CFLAR: variants seen among roughly 807,000 people sequenced by gnomAD.
CFLAR encodes the protein CASP8 and FADD-like apoptosis regulator.
In CFLAR, 14 loss-of-function variants were observed where a neutral mutation model predicts 51.1. The observed-to-expected ratio is 0.27, with a 90% CI of 0.18 to 0.43. CFLAR has a LOEUF of 0.43. Ranked by LOEUF, CFLAR falls within the 20% of genes least tolerant of loss-of-function variation. The pLI, the probability that CFLAR is intolerant of heterozygous loss-of-function variation, is 1.00. For missense variants in CFLAR, 390 were observed against 566.5 expected, an observed-to-expected ratio of 0.69 and a Z score of 3.16; for synonymous variants, 210 against 211.6, an observed-to-expected ratio of 0.99 and a Z score of 0.06.
chr2:201,136,137 G>A (rs1470198824), intron 4 of CFLAR, 30 bp downstream of exon 4: 6 of 1,612,642 alleles, frequency 3.7e-6, no homozygotes, highest in Non-Finnish European at 5.1e-6. Context: ...AGTGGTCTAG[G>A]GGAAGTACTC....
intron 2 of CFLAR, among the ~76,000 whole-genome samples, chr2:201,131,756 G>A (rs1362194346): frequency 6.6e-6 from 1 of 152,160 alleles, no homozygotes; most frequent in Non-Finnish European, 1.5e-5. Flanking sequence ...AGGCTGGAGT[G>A]CAGTGGCATG....
chr2:201,140,521 G>A lies in CFLAR; in HGVS notation c.606+82G>A. On this transcript the variant is annotated intron_variant, in intron 5 of 9. Transcript: ENST00000309955. ...AAAAATATGCATATTCTCACAGCATGTACTTTATTTAATATCTGAAAAAAT... is the reference window on the plus strand; with the variant it reads ...AAAAATATGCATATTCTCACAGCATATACTTTATTTAATATCTGAAAAAAT... 2 of 1,013,666 alleles carry A rather than the reference G, an allele frequency of 2.0e-6. 1 individual carries two copies. The allele number at this position is 1,013,666 out of a possible 1,614,324, so 62.8% of individuals were successfully genotyped here.
chr2:201,145,617 T>C (rs886829282), intron 6 of CFLAR, 185 bp downstream of exon 6: 4 of 563,774 alleles, frequency 7.1e-6, no homozygotes, highest in Non-Finnish European at 1.3e-5. Flanking sequence ...AATTAGCTTA[T>C]CTAAGTTTGA....
At chr2:201,162,544 C>T (rs954278614) in intron 9 of CFLAR, 1 of 188,506 alleles carries the variant, frequency 5.3e-6, no homozygotes, top group African/African-American at 2.4e-5. Flanking sequence ...TCTCTGCCTT[C>T]TCTTTCTCTG....
intron 4 of CFLAR, chr2:201,137,891 C>G: frequency 1.3e-6 from 1 of 780,580 alleles, no homozygotes. Flanking sequence ...TGGTGGCGGC[C>G]AGCAGGGAGC....
rs2125962173 is a variant in CFLAR at position 201,165,719 on chromosome 2, G to A, written c.*1746G>A. On this transcript the variant is annotated 3_prime_UTR_variant, in exon 10 of 10. Coordinates refer to ENST00000309955, the MANE Select transcript of CFLAR (RefSeq NM_003879.7). ...AGGTCTCTGGTTTTCCTAGGCAGAG[G>A]ACCCTGCGGCCTTCCGCAGTGTTTG... The A allele has an allele frequency of 6.5e-6, 1 of 153,714 alleles. No homozygotes were observed. Among genetic ancestry groups the A allele is most frequent in the South Asian group, 1.9e-4 (1 of 5,206 alleles). 9.5% of individuals were successfully genotyped at this position (153,714 alleles called of 1,614,324 possible).
chr2:201,156,827 G>A (rs1942258242), intron 8 of CFLAR, among the ~76,000 whole-genome samples: 3 of 151,638 alleles, frequency 2.0e-5, no homozygotes, highest in African/African-American at 7.3e-5. Context: ...AGAAGGAGAA[G>A]TGGGTCTTCT....
At position 201,175,136 on chromosome 2, in the gene CFLAR, C is replaced by G. The variant is rs1944151051; in HGVS notation, c.*11163C>G. 6.6e-6 allele frequency: 1 copy of G among 152,222 alleles called. No homozygotes were observed. Among genetic ancestry groups the G allele is most frequent in the African/African-American group, 2.4e-5 (1 of 41,452 alleles). 9.4% of individuals were successfully genotyped at this position (152,222 alleles called of 1,614,324 possible). ...TGTTTAGCGTATAGTCAAGAAGCAACCATAAATATAGCCAGTCAGCAGCCC... is the reference window on the plus strand; with the variant it reads ...TGTTTAGCGTATAGTCAAGAAGCAAGCATAAATATAGCCAGTCAGCAGCCC... On this transcript the variant is annotated 3_prime_UTR_variant, in exon 10 of 10. Coordinates refer to ENST00000309955, the MANE Select transcript of CFLAR (RefSeq NM_003879.7).
At position 201,116,764 on chromosome 2, in the gene CFLAR, G is replaced by GT. The variant is rs2047632871; in HGVS notation, c.-138+283_-138+284insT. 1 of 152,252 alleles carries GT rather than the reference G, an allele frequency of 6.6e-6. No homozygotes were observed. The highest frequency in any genetic ancestry group is 6.5e-5 in the Admixed American group (1 of 15,280). The allele number at this position is 152,252 out of a possible 1,614,324, so 9.4% of individuals were successfully genotyped here. ...GCGGAATGCCCCCGCTTCCGTTTCC[G>GT]CCCGGCTCCGAACCCCCGAACCCCT... On this transcript the variant is annotated intron_variant, in intron 1 of 9. Coordinates refer to ENST00000309955, the MANE Select transcript of CFLAR (RefSeq NM_003879.7). This position sits in a 1 kb window ranked among gnomAD's most constrained non-coding sequence, Gnocchi z 4.8.
chr2:201,173,336 T>G lies in CFLAR; in HGVS notation c.*9363T>G, dbSNP rs1361408226. 1 of 152,454 alleles carries G rather than the reference T, an allele frequency of 6.6e-6. No individual in the cohort carries two copies. The highest frequency in any genetic ancestry group is 6.6e-5 in the Admixed American group (1 of 15,266). 9.4% of individuals were successfully genotyped at this position (152,454 alleles called of 1,614,324 possible). On this transcript the variant is annotated 3_prime_UTR_variant, in exon 10 of 10. Transcript: ENST00000309955. Reference sequence around the variant, plus strand: ...CATTCTCCTGCCTCAGCCTCCCAAGTATCTGGGACTACAGCCGCCCTCCAC... The same window carrying G: ...CATTCTCCTGCCTCAGCCTCCCAAGGATCTGGGACTACAGCCGCCCTCCAC...
intron 4 of CFLAR, 188 bp from the exon 5 acceptor site, chr2:201,140,169 G>C: frequency 2.0e-6 from 1 of 495,878 alleles, no homozygotes; most frequent in Non-Finnish European, 3.3e-6. Flanking sequence ...GCGGGCCAGG[G>C]CGCCCTATAC....
chr2:201,132,853 C>A (rs2049511989), intron 2 of CFLAR, 176 bp from the exon 3 acceptor site: 3 of 479,296 alleles, frequency 6.3e-6, no homozygotes, highest in Non-Finnish European at 1.1e-5. Context: ...TTTCTGAGGT[C>A]CCTTAAGATC....
rs976215929 is a variant in CFLAR, at chr2:201,117,789, C to T, written c.-138+1308C>T. On this transcript the variant is annotated intron_variant, in intron 1 of 9. Transcript: ENST00000309955. Reference sequence around the variant, plus strand: ...TTTTTTTTTGAGACAGCATTTCACTCTTGTTGCCCAGGCTGGAATGCAATG... The same window carrying T: ...TTTTTTTTTGAGACAGCATTTCACTTTTGTTGCCCAGGCTGGAATGCAATG... 8.2e-5 allele frequency among the ~76,000 whole-genome samples: 11 copies of T among 134,378 alleles called. No individual in the cohort carries two copies. In the Admixed American group the frequency reaches 8.2e-4, roughly 10 times the overall value. 88.2% of individuals were successfully genotyped at this position (134,378 alleles called of 152,430 possible). A position where few individuals can be genotyped will look rare whatever the true frequency, so the allele number is the denominator to read the frequency against.
chr2:201,125,712 A>T (rs983159546), intron 1 of CFLAR, among the ~76,000 whole-genome samples: 1 of 151,990 alleles, frequency 6.6e-6, no homozygotes, highest in Admixed American at 6.5e-5. Context: ...GTGGGAAAGG[A>T]GCTGAACAGA....
At chr2:201,154,167 C>G (rs761450304) in intron 8 of CFLAR, 1 of 267,446 alleles carries the variant, frequency 3.7e-6, no homozygotes, top group South Asian at 3.0e-5. Flanking sequence ...TCTCAGCTCA[C>G]CGCAATCTCC....
At chr2:201,128,313 A>C (rs2048902396) in intron 1 of CFLAR, among the ~76,000 whole-genome samples, 1 of 152,178 alleles carries the variant, frequency 6.6e-6, no homozygotes, top group Non-Finnish European at 1.5e-5. Context: ...AGAACACATA[A>C]AATTTGTATT....
At chr2:201,141,726 T>C in intron 5 of CFLAR, 1 of 893,398 alleles carries the variant, frequency 1.1e-6, no homozygotes, top group Non-Finnish European at 1.4e-6. Context: ...TCACTTATGG[T>C]TGTTGTGTTC....
At position 201,160,349 on chromosome 2, in the gene CFLAR, C is replaced by T. The variant is rs767674486; in HGVS notation, c.794-83C>T. ...GAAGCTTTTCATAATGGAGATTAGACCATGTCTAGGATTCCTACCCAGTCC... is the reference window on the plus strand; with the variant it reads ...GAAGCTTTTCATAATGGAGATTAGATCATGTCTAGGATTCCTACCCAGTCC... On this transcript the variant is annotated intron_variant, in intron 8 of 9. Coordinates refer to ENST00000309955, the MANE Select transcript of CFLAR (RefSeq NM_003879.7). The T allele has an allele frequency of 3.6e-6, 5 of 1,400,564 alleles. No homozygotes were observed. In the East Asian group the frequency reaches 1.1e-4, roughly 32 times the overall value. The allele number at this position is 1,400,564 out of a possible 1,614,324, so 86.8% of individuals were successfully genotyped here.
rs976229017 is a variant in CFLAR at position 201,166,901 on chromosome 2, G to A, written c.*2928G>A. On this transcript the variant is annotated 3_prime_UTR_variant, in exon 10 of 10. Transcript: ENST00000309955. ...TCAGGCAGGGAGGCTGCAGTGAGCC[G>A]AGATGGCAGCAGTACAGTCCAGCTT... The A allele has an allele frequency of 6.0e-5, 7 of 115,890 alleles. No homozygotes were observed. The highest frequency in any genetic ancestry group is 1.3e-4 in the African/African-American group (4 of 30,782). The allele number at this position is 115,890 out of a possible 1,614,324, so 7.2% of individuals were successfully genotyped here. A position where few individuals can be genotyped will look rare whatever the true frequency, so the allele number is the denominator to read the frequency against.
Sources: allele counts gnomAD v4.1 joint callset (sites outside exome capture counted in the v4.1 genomes callset), GRCh38; gene constraint gnomAD v4.1.1; non-coding constraint Gnocchi (gnomAD v3.1); transcripts MANE v1.5; gene names NCBI Gene and HGNC (gene_info 2026-07-23, HGNC 2026-07-21).